MRC2: variants seen among roughly 807,000 people sequenced by gnomAD.
MRC2 encodes the protein C-type mannose receptor 2.
MRC2 carries 84 observed loss-of-function variants against 206.2 expected under a neutral mutation model. The observed-to-expected ratio is 0.41, with a 90% CI of 0.34 to 0.49. MRC2 has a LOEUF of 0.49. MRC2 is among the 20% of genes least tolerant of loss of function. The pLI is 0.31. For synonymous variants in MRC2, 798 were observed against 800.0 expected, an observed-to-expected ratio of 1.00 and a Z score of 0.04; for missense variants, 1,676 against 2,001.5, an observed-to-expected ratio of 0.84 and a Z score of 3.10.
At position 62,664,239 on chromosome 17, in the gene MRC2, G is replaced by A. The variant is rs980806435; in HGVS notation, c.119-309G>A. Among the ~76,000 whole-genome samples, 46 of 152,130 alleles carry A rather than the reference G, an allele frequency of 3.0e-4. No individual in the cohort carries two copies. Among genetic ancestry groups the A allele is most frequent in the Non-Finnish European group, 4.4e-4 (30 of 68,020 alleles). On this transcript the variant is annotated intron_variant, in intron 1 of 29. Transcript: ENST00000303375. The surrounding 1 kb of genome is among the most constrained non-coding windows in gnomAD (Gnocchi z 4.7). ...CTCCCAAAGTGCTGGGATTACAGGC[G>A]TGAGCCACCGCGCCCGGCCTGGGTT...
Position 62,680,643 on chromosome 17 carries a change from G to A in MRC2, c.2474-157G>A. The A allele has an allele frequency of 8.0e-7, 1 of 1,250,396 alleles. No individual in the cohort carries two copies. Among genetic ancestry groups the A allele is most frequent in the South Asian group, 1.5e-5 (1 of 65,420 alleles). 77.5% of individuals were successfully genotyped at this position (1,250,396 alleles called of 1,614,324 possible). A position where few individuals can be genotyped will look rare whatever the true frequency, so the allele number is the denominator to read the frequency against. On this transcript the variant is annotated intron_variant, in intron 16 of 29. Transcript: ENST00000303375. This position sits in a 1 kb window ranked among gnomAD's most constrained non-coding sequence, Gnocchi z 4.8. ...CCGTGTGGGAGGCGAGGCAAGCCTG[G>A]GGCCTGGGGCCTGGCACGGTGCCTG...
At position 62,667,885 on chromosome 17, in the gene MRC2, A is replaced by G. The variant is rs34400976; in HGVS notation, c.1117+352A>G. Among the ~76,000 whole-genome samples, 6,606 of 152,298 alleles carry G rather than the reference A, an allele frequency of 0.043. 175 individuals are homozygous for G. The highest frequency in any genetic ancestry group is 0.082 in the Middle Eastern group (24 of 294). ...CAGTGTTAGAGGAGCATAGAGAAGA[A>G]ACTGATTCAGCTTCTGAGAGTTAAG... is the stretch of plus-strand genomic sequence containing the variant. On this transcript the variant is annotated intron_variant, in intron 6 of 29. Coordinates refer to ENST00000303375, the MANE Select transcript of MRC2 (RefSeq NM_006039.5). The surrounding 1 kb of genome is among the most constrained non-coding windows in gnomAD (Gnocchi z 4.1).
intron 1 of MRC2, among the ~76,000 whole-genome samples, chr17:62,645,362 G>T (rs887932406): frequency 2.0e-5 from 3 of 151,130 alleles, no homozygotes; most frequent in African/African-American, 7.3e-5. Context: ...TCCAGGTCTG[G>T]TTCCTTTGCA....
chr17:62,680,053 C>T lies in MRC2; in HGVS notation c.2299-117C>T. The T allele has an allele frequency of 1.9e-6, 3 of 1,540,082 alleles. No homozygotes were observed. The South Asian group carries it at 3.7e-5, about 19-fold the overall frequency. On this transcript the variant is annotated intron_variant, in intron 14 of 29. Coordinates refer to ENST00000303375, the MANE Select transcript of MRC2 (RefSeq NM_006039.5). The surrounding 1 kb of genome is among the most constrained non-coding windows in gnomAD (Gnocchi z 4.8). ...GGAAAGCAGGTCCGAGAGGGGTCAC[C>T]CGGCCCCCGGTGAGAATTCGCAGCT...
chr17:62,666,300 A>G lies in MRC2; in HGVS notation c.694+33A>G, dbSNP rs754214686. On this transcript the variant is annotated intron_variant, in intron 3 of 29. Coordinates refer to ENST00000303375, the MANE Select transcript of MRC2 (RefSeq NM_006039.5). This position sits in a 1 kb window ranked among gnomAD's most constrained non-coding sequence, Gnocchi z 5.0. Reference sequence around the variant, plus strand: ...CTGTTGGAGCCGTGGGGGCGGGGGCAGTGTTCCTGGAGGGAGGCTGGTGCT... The same window carrying G: ...CTGTTGGAGCCGTGGGGGCGGGGGCGGTGTTCCTGGAGGGAGGCTGGTGCT... 1.6e-5 allele frequency: 25 copies of G among 1,556,270 alleles called. No individual in the cohort carries two copies. The highest frequency in any genetic ancestry group is 1.3e-4 in the Admixed American group (7 of 52,462).
At chr17:62,629,436 G>T (rs1398350998) in intron 1 of MRC2, among the ~76,000 whole-genome samples, 3 of 152,210 alleles carry the variant, frequency 2.0e-5, no homozygotes, top group African/African-American at 7.2e-5. Context: ...TCCTCCTCCT[G>T]GTCTCTGTGC....
chr17:62,690,358 G>T (rs1343032325), intron 26 of MRC2, 53 bp downstream of exon 26: 2 of 1,557,756 alleles, frequency 1.3e-6, no homozygotes, highest in Admixed American at 1.8e-5. Flanking sequence ...ACCTCCTCTC[G>T]TGGGCACTCA....
rs111365248 is a variant in MRC2 at position 62,680,106 on chromosome 17, C to T, written c.2299-64C>T. 9,424 of 1,603,032 alleles carry T rather than the reference C, an allele frequency of 5.9e-3. 418 individuals are homozygous for T. In the African/African-American group the frequency reaches 0.1, roughly 18 times the overall value. ...GGCCAGGCCTCTTGTTCACCTGTTC[C>T]GGGCATGGGGGCGGCCTGCACCTTG... On this transcript the variant is annotated intron_variant, in intron 14 of 29. Transcript: ENST00000303375. The surrounding 1 kb of genome is among the most constrained non-coding windows in gnomAD (Gnocchi z 4.8).
chr17:62,668,338 C>T (rs1026733833), intron 6 of MRC2, among the ~76,000 whole-genome samples: 2 of 143,398 alleles, frequency 1.4e-5, no homozygotes, highest in Admixed American at 1.4e-4. Context: ...GGCAACAGAG[C>T]GAGACGAGAC....
chr17:62,629,016 A>G (rs2147419607), intron 1 of MRC2, among the ~76,000 whole-genome samples: 1 of 152,316 alleles, frequency 6.6e-6, no homozygotes, highest in Non-Finnish European at 1.5e-5. Flanking sequence ...GGCACAAGAC[A>G]CATATCTGCC....
chr17:62,665,664 G>C (rs2088743185), intron 2 of MRC2, among the ~76,000 whole-genome samples: 1 of 152,136 alleles, frequency 6.6e-6, no homozygotes, highest in African/African-American at 2.4e-5. Context: ...TGAGGGGCTG[G>C]CCTCTTGTGG....
In MRC2 at chr17:62,692,327, G is replaced by A. The variant is rs760207747; in HGVS notation, c.4316G>A (p.Arg1439His). 3.8e-6 allele frequency: 6 copies of A among 1,583,082 alleles called. No homozygotes were observed. Among genetic ancestry groups the A allele is most frequent in the South Asian group, 1.1e-5 (1 of 87,188 alleles). Reference sequence around the variant, plus strand: ...GCAGCCCTCATCCTTTACCGGAGGCGCCAGAGCATCGAGCGCGGGGCCTTT... The same window carrying A: ...GCAGCCCTCATCCTTTACCGGAGGCACCAGAGCATCGAGCGCGGGGCCTTT... ...LTAALILYRRRQSIERGAFEG... is the reference protein window; with the variant it reads ...LTAALILYRRHQSIERGAFEG... Residue 1439 changes from arginine to histidine, a missense_variant, in exon 30 of 30, where the codon CGC becomes CAC. This residue lies in a region of MRC2 where 1,354 missense variants were observed against 1,636.6 expected (regional missense o/e 0.83). Transcript: ENST00000303375. This position sits in a 1 kb window ranked among gnomAD's most constrained non-coding sequence, Gnocchi z 4.2.
At chr17:62,661,562 CTCCTTCCTTCCTTCATTCCTTCCT>C in intron 1 of MRC2, 1 of 125,560 alleles carries the variant, frequency 8.0e-6, no homozygotes, top group East Asian at 2.4e-4. Context: ...TTCTTTCTTT[CTCCTTCCTTCCTTCATTCCTTCCT>C]TCCTTCCTTC....
In MRC2 at chr17:62,667,020, CT is replaced by C. The variant is rs2088766026; in HGVS notation, c.973+151del. 2 of 688,748 alleles carry C rather than the reference CT, an allele frequency of 2.9e-6. No homozygotes were observed. Among genetic ancestry groups the C allele is most frequent in the East Asian group, 2.7e-5 (1 of 36,712 alleles). 42.7% of individuals were successfully genotyped at this position (688,748 alleles called of 1,614,324 possible). A position where few individuals can be genotyped will look rare whatever the true frequency, so the allele number is the denominator to read the frequency against. ...ACCCCCCTCCCCAGACTGCGCCCCC[CT>C]AGCCCATGTAGGGCGGCGCTGCCCC... is the stretch of plus-strand genomic sequence containing the variant. On this transcript the variant is annotated intron_variant, in intron 5 of 29. Transcript: ENST00000303375. The surrounding 1 kb of genome is among the most constrained non-coding windows in gnomAD (Gnocchi z 4.1).
At chr17:62,676,677 C>T in intron 11 of MRC2, 146 bp downstream of exon 11, 2 of 983,142 alleles carry the variant, frequency 2.0e-6, no homozygotes, top group African/African-American at 3.3e-5. Flanking sequence ...GCTCTGAAAC[C>T]AAACTGCCTG....
At chr17:62,636,074 A>C (rs913323352) in intron 1 of MRC2, among the ~76,000 whole-genome samples, 4 of 151,236 alleles carry the variant, frequency 2.6e-5, no homozygotes, top group African/African-American at 9.7e-5. Context: ...GGCGTGAGCC[A>C]CCGCGCCCGG....
chr17:62,690,927 C>T (rs1202136091), intron 27 of MRC2, 22 bp from the exon 28 acceptor site: 1 of 1,570,612 alleles, frequency 6.4e-7, no homozygotes, highest in Non-Finnish European at 8.6e-7. Context: ...TCCCTGCTCC[C>T]TCAGTGCCTT....
Position 62,690,151 on chromosome 17 carries a change from C to T in MRC2, c.3743-5C>T, listed in dbSNP as rs759036719. On this transcript the variant is annotated splice_polypyrimidine_tract_variant and splice_region_variant and intron_variant, in intron 25 of 29. Coordinates refer to ENST00000303375, the MANE Select transcript of MRC2 (RefSeq NM_006039.5). ...GAGCCACTTCTTAATCCTGTACCCC[C>T]ACAGGGCCCCCTCCTCCCCGAAGAA... is the stretch of plus-strand genomic sequence containing the variant. The T allele has an allele frequency of 1.6e-5, 25 of 1,599,856 alleles. No individual in the cohort carries two copies. The South Asian group carries it at 2.2e-4, about 14-fold the overall frequency.
Position 62,627,992 on chromosome 17 carries a change from C to A in MRC2, c.118+72C>A, listed in dbSNP as rs908981634. 1.4e-5 allele frequency: 13 copies of A among 926,036 alleles called. No individual in the cohort carries two copies. In the African/African-American group the frequency reaches 1.6e-4, roughly 11 times the overall value. The allele number at this position is 926,036 out of a possible 1,614,324, so 57.4% of individuals were successfully genotyped here. On this transcript the variant is annotated intron_variant, in intron 1 of 29. Transcript: ENST00000303375. ...GCGCCGAGGCGCGGGCCGCTCTCGA[C>A]TTTTCCCTCCTTTTCCCCCCTCTTT...
Sources: gnomAD v4.1 joint callset for allele counts (sites outside exome capture counted in the v4.1 genomes callset) on GRCh38, gnomAD v4.1.1 for gene constraint, gnomAD v4.1.1 regional missense constraint, Gnocchi (gnomAD v3.1) non-coding constraint, MANE v1.5 for transcripts, NCBI Gene and HGNC (gene_info 2026-07-23, HGNC 2026-07-21) for gene names.